The following QTMAN variants were observed in gnomAD, a reference collection of about 807,000 sequenced individuals.
QTMAN encodes the protein queuosine-tRNA mannosyltransferase, also known as tRNA-queuosine alpha-mannosyltransferase.
At chr2:144,326,784 AG>A in the QTMAN span, among the ~76,000 whole-genome samples, 2 of 152,210 alleles carry the variant, frequency 1.3e-5, no homozygotes, top group South Asian at 4.1e-4. Context: ...GGACACCTCC[AG>A]GGAACTGGAC....
At chr2:144,186,661 G>A in the QTMAN span, among the ~76,000 whole-genome samples, 1 of 152,144 alleles carries the variant, frequency 6.6e-6, no homozygotes, top group East Asian at 1.9e-4. Flanking sequence ...TTTGCCTTCA[G>A]TGGTAAGAGA....
the QTMAN span, among the ~76,000 whole-genome samples, chr2:144,292,963 C>T: frequency 2.0e-5 from 3 of 152,006 alleles, no homozygotes; most frequent in African/African-American, 7.2e-5. Context: ...AAATGTGGCA[C>T]CAAGCTACAT....
At chr2:143,938,901 G>T in the QTMAN span, 1 of 152,226 alleles carries the variant, frequency 6.6e-6, no homozygotes, top group Admixed American at 6.5e-5. Context: ...CCAGCCAGAT[G>T]ACAGCCAGGT....
At chr2:144,203,238 G>A in the QTMAN span, among the ~76,000 whole-genome samples, 4 of 152,018 alleles carry the variant, frequency 2.6e-5, no homozygotes, top group Non-Finnish European at 4.4e-5. Context: ...ACAGAAGAGT[G>A]GGGGAGAGAG....
the QTMAN span, among the ~76,000 whole-genome samples, chr2:144,326,930 A>G: frequency 2.6e-5 from 4 of 152,116 alleles, no homozygotes; most frequent in African/African-American, 9.7e-5. Flanking sequence ...GATGAGAGAG[A>G]GAGGAAGATT....
the QTMAN span, among the ~76,000 whole-genome samples, chr2:143,972,165 A>T: frequency 6.6e-6 from 1 of 152,202 alleles, no homozygotes; most frequent in Non-Finnish European, 1.5e-5. Flanking sequence ...GCTACAGGCA[A>T]GAACAAAGAC....
At chr2:143,990,494 G>A in the QTMAN span, among the ~76,000 whole-genome samples, 128 of 152,298 alleles carry the variant, frequency 8.4e-4, no homozygotes, top group African/African-American at 2.9e-3. Flanking sequence ...AGAAAGACTG[G>A]AACCAGGAGA....
the QTMAN span, chr2:143,942,704 A>G: frequency 1.8e-5 from 3 of 167,264 alleles, no homozygotes; most frequent in East Asian, 5.8e-4. Flanking sequence ...ACCTGTGGCC[A>G]GTTGAGTCTG....
chr2:143,957,182 AG>A, the QTMAN span: 1 of 1,577,294 alleles, frequency 6.3e-7, no homozygotes, highest in Non-Finnish European at 8.6e-7. Flanking sequence ...TATCACAAAC[AG>A]AAAGAACTTA....
At chr2:144,233,629 C>T in the QTMAN span, among the ~76,000 whole-genome samples, 124 of 152,232 alleles carry the variant, frequency 8.1e-4, no homozygotes, top group African/African-American at 2.5e-3. Flanking sequence ...GTGCTAGACT[C>T]GCTCAATTGA....
At chr2:143,969,993 A>G in the QTMAN span, among the ~76,000 whole-genome samples, 1 of 152,334 alleles carries the variant, frequency 6.6e-6, no homozygotes, top group South Asian at 2.1e-4. Flanking sequence ...GAACACCCAA[A>G]GCTTAAAAGA....
At chr2:143,940,887 A>G in the QTMAN span, 2 of 152,284 alleles carry the variant, frequency 1.3e-5, no homozygotes, top group Non-Finnish European at 2.9e-5. Flanking sequence ...CTGAACTTTT[A>G]GTACAGAAAT....
the QTMAN span, among the ~76,000 whole-genome samples, chr2:144,154,524 A>G: frequency 3.3e-5 from 5 of 152,340 alleles, no homozygotes; most frequent in East Asian, 9.6e-4. Context: ...TGTTTTGCAA[A>G]TACTGAATAT....
chr2:144,314,054 C>G, the QTMAN span, among the ~76,000 whole-genome samples: 2 of 151,802 alleles, frequency 1.3e-5, no homozygotes, highest in Non-Finnish European at 2.9e-5. Flanking sequence ...GTATTTAACA[C>G]AGAGAAAATG....
the QTMAN span, among the ~76,000 whole-genome samples, chr2:144,129,209 A>C: frequency 6.6e-6 from 1 of 151,960 alleles, no homozygotes; most frequent in Non-Finnish European, 1.5e-5. Context: ...TTAGTCAATA[A>C]GGCAGATTTG....
the QTMAN span, among the ~76,000 whole-genome samples, chr2:143,966,028 C>T: frequency 6.6e-6 from 1 of 152,154 alleles, no homozygotes; most frequent in Non-Finnish European, 1.5e-5. Context: ...TAGTACTGAA[C>T]CCTATATTTA....
At chr2:143,939,932 CTCTT>C in the QTMAN span, 2 of 152,094 alleles carry the variant, frequency 1.3e-5, no homozygotes, top group East Asian at 1.9e-4. Flanking sequence ...CCATGTTTGT[CTCTT>C]TCTCTTTCTT....
the QTMAN span, among the ~76,000 whole-genome samples, chr2:144,027,776 C>G: frequency 8.5e-5 from 13 of 152,176 alleles, no homozygotes; most frequent in Admixed American, 6.5e-5. Flanking sequence ...ACTCCTGCAG[C>G]ACAGATGTGC....
the QTMAN span, chr2:144,178,260 GGA>G: frequency 6.6e-6 from 1 of 152,126 alleles, no homozygotes; most frequent in African/African-American, 2.4e-5. Flanking sequence ...ATCCGTAAAA[GGA>G]GATTCTTCAC....
Sources: allele counts gnomAD v4.1 joint callset (sites outside exome capture counted in the v4.1 genomes callset), GRCh38; gene constraint gnomAD v4.1.1; transcripts MANE v1.5; gene names NCBI Gene and HGNC (gene_info 2026-07-23, HGNC 2026-07-21).